The following SOX5 variants were observed in gnomAD, a reference collection of about 807,000 sequenced individuals.
The protein encoded by SOX5 is transcription factor SOX-5.
A neutral mutation model predicts 92.0 loss-of-function variants in SOX5; 9 were observed. The observed-to-expected ratio is 0.10, with a 90% CI of 0.06 to 0.17. The LOEUF is 0.17. Ranked by LOEUF, SOX5 falls within the 10% of genes least tolerant of loss-of-function variation. The pLI is 1.00. For missense variants in SOX5, 642 were observed against 944.5 expected, an observed-to-expected ratio of 0.68 and a Z score of 4.20; for synonymous variants, 344 against 336.3, an observed-to-expected ratio of 1.02 and a Z score of -0.25.
Position 23,536,473 on chromosome 12 carries a change from C to T in SOX5, c.1968G>A (p.Met656Ile), listed in dbSNP as rs371070527. 2 of 1,614,064 alleles carry T rather than the reference C, an allele frequency of 1.2e-6. No homozygotes were observed. The highest frequency in any genetic ancestry group is 1.7e-6 in the Non-Finnish European group (2 of 1,179,982). ...CATACCCAACATTGAAGTACTGCCG[C>T]ATTTCCTGCCGCCTGTTGCGCATGA... ...KAIMRNRRQE[M>I]RQYFNVGQQA... Residue 656 changes from methionine to isoleucine, a missense_variant, in exon 14 of 15, where the codon ATG (methionine) becomes ATA (isoleucine). Met to Ile is a conservative substitution (Grantham distance 10, BLOSUM62 1). Coordinates refer to ENST00000451604, the MANE Select transcript of SOX5 (RefSeq NM_006940.6).
At chr12:23,792,584 T>C (rs1214959350) in intron 3 of SOX5, among the ~76,000 whole-genome samples, 3 of 119,628 alleles carry the variant, frequency 2.5e-5, no homozygotes, top group African/African-American at 6.6e-5. Context: ...GATCTTACCA[T>C]TGCACTGCAG....
intron 1 of SOX5, among the ~76,000 whole-genome samples, chr12:24,533,185 T>C (rs148708452): frequency 1.8e-4 from 27 of 152,310 alleles, no homozygotes; most frequent in African/African-American, 5.5e-4. Flanking sequence ...ATAATGAATA[T>C]GATATTCTGT....
At chr12:23,775,872 A>G (rs1594302498) in intron 3 of SOX5, among the ~76,000 whole-genome samples, 1 of 152,112 alleles carries the variant, frequency 6.6e-6, no homozygotes, top group Non-Finnish European at 1.5e-5. Context: ...TCTTTGACAT[A>G]CCATCTAACG....
chr12:24,064,391 C>A (rs532233307), intron 4 of SOX5, among the ~76,000 whole-genome samples: 9 of 152,284 alleles, frequency 5.9e-5, no homozygotes, highest in African/African-American at 2.2e-4. Context: ...CATCTGGTAA[C>A]CACGGCACCC....
intron 11 of SOX5, among the ~76,000 whole-genome samples, chr12:23,558,888 C>A (rs1469349035): frequency 1.3e-5 from 2 of 152,198 alleles, no homozygotes; most frequent in East Asian, 3.9e-4. Context: ...GAGGTGTGAG[C>A]CACCGTGCCC....
At chr12:24,186,417 C>T (rs533290655) in intron 4 of SOX5, among the ~76,000 whole-genome samples, 5 of 151,944 alleles carry the variant, frequency 3.3e-5, no homozygotes, top group African/African-American at 1.2e-4. Flanking sequence ...TGCTGTTTAA[C>T]TTATTCTACA....
At chr12:23,714,278 C>G (rs1033228470) in intron 6 of SOX5, among the ~76,000 whole-genome samples, 1 of 152,122 alleles carries the variant, frequency 6.6e-6, no homozygotes, top group Non-Finnish European at 1.5e-5. Flanking sequence ...TGGCAATAGA[C>G]TAATTTTAGA....
chr12:23,822,526 G>A (rs899859611), intron 3 of SOX5, among the ~76,000 whole-genome samples: 3 of 152,116 alleles, frequency 2.0e-5, no homozygotes, highest in Admixed American at 1.3e-4. Context: ...GCTGAGGAGT[G>A]TTTTACTTCC....
chr12:23,916,491 C>G (rs959204200), intron 1 of SOX5, among the ~76,000 whole-genome samples: 2 of 152,156 alleles, frequency 1.3e-5, no homozygotes, highest in Non-Finnish European at 2.9e-5. Flanking sequence ...TGTCTCCCCT[C>G]AGCTCATGGA....
chr12:23,590,278 A>T (rs1227263284), intron 9 of SOX5, among the ~76,000 whole-genome samples: 1 of 152,028 alleles, frequency 6.6e-6, no homozygotes, highest in African/African-American at 2.4e-5. Context: ...AGGTGGGGCT[A>T]GATTGCAGAA....
chr12:23,778,148 C>G (rs538556232), intron 3 of SOX5, among the ~76,000 whole-genome samples: 84 of 152,162 alleles, frequency 5.5e-4, no homozygotes, highest in African/African-American at 2.0e-3. Flanking sequence ...CAACTGTAAC[C>G]CAGTTTAAAT....
intron 2 of SOX5, among the ~76,000 whole-genome samples, chr12:23,869,611 G>A (rs894323305): frequency 6.6e-6 from 1 of 152,070 alleles, no homozygotes; most frequent in Non-Finnish European, 1.5e-5. Context: ...GGTTCTCAAA[G>A]CACCAGTCTA....
intron 8 of SOX5, among the ~76,000 whole-genome samples, chr12:23,606,840 A>C (rs1386481939): frequency 6.6e-6 from 1 of 152,138 alleles, no homozygotes; most frequent in African/African-American, 2.4e-5. Context: ...ATTGTCCTAA[A>C]AGAAATGCTT....
chr12:24,171,236 T>TTTTG (rs1565581513), intron 4 of SOX5, among the ~76,000 whole-genome samples: 1 of 130,220 alleles, frequency 7.7e-6, no homozygotes, highest in Non-Finnish European at 1.7e-5. Flanking sequence ...TTTGTTTTTT[T>TTTTG]TTTTGGAGAC....
intron 9 of SOX5, among the ~76,000 whole-genome samples, chr12:23,585,833 G>A (rs1026152865): frequency 3.3e-5 from 5 of 152,148 alleles, no homozygotes; most frequent in African/African-American, 1.2e-4. Flanking sequence ...TCAACATGGA[G>A]GATATCTCCT....
intron 4 of SOX5, among the ~76,000 whole-genome samples, chr12:23,978,854 C>T (rs1949203564): frequency 6.6e-6 from 1 of 152,180 alleles, no homozygotes; most frequent in Non-Finnish European, 1.5e-5. Context: ...CCTTTAGACA[C>T]TATCCAGACA....
At chr12:23,874,581 C>A (rs927005646) in intron 2 of SOX5, among the ~76,000 whole-genome samples, 3 of 152,096 alleles carry the variant, frequency 2.0e-5, no homozygotes, top group African/African-American at 4.8e-5. Context: ...GGAAATAGTA[C>A]GGGCAGCAAC....
intron 1 of SOX5, among the ~76,000 whole-genome samples, chr12:24,371,754 G>A (rs1480459120): frequency 3.3e-5 from 5 of 152,168 alleles, no homozygotes; most frequent in African/African-American, 1.2e-4. Context: ...TCGGGAGGCC[G>A]AGACAGGCGG....
intron 2 of SOX5, among the ~76,000 whole-genome samples, chr12:24,349,392 A>G (rs1953768445): frequency 6.6e-6 from 1 of 152,128 alleles, no homozygotes; most frequent in Non-Finnish European, 1.5e-5. Flanking sequence ...TTCATCCTTC[A>G]AAACTGAAGG....
Sources: gnomAD v4.1 joint callset for allele counts (sites outside exome capture counted in the v4.1 genomes callset) on GRCh38, gnomAD v4.1.1 for gene constraint, MANE v1.5 for transcripts, NCBI Gene and HGNC (gene_info 2026-07-23, HGNC 2026-07-21) for gene names.